TPTE2: variants seen among roughly 807,000 people sequenced by gnomAD.
TPTE2 encodes the protein transmembrane phosphoinositide 3-phosphatase and tensin homolog 2, also known as phosphatidylinositol 3,4,5-trisphosphate 3-phosphatase TPTE2.
In TPTE2, 53 loss-of-function variants were observed where a neutral mutation model predicts 78.6. The ratio of observed to expected loss-of-function variants is 0.67; its 90% CI spans 0.54 to 0.85. TPTE2 has a LOEUF of 0.85. TPTE2 is among the 40% of genes least tolerant of loss of function. TPTE2 has a pLI of 0.00. For missense variants in TPTE2, 461 were observed against 623.0 expected (o/e 0.74, Z 2.77); for synonymous variants, 175 against 206.2 (o/e 0.85, Z 1.30).
At chr13:19,528,057 AG>A (rs1870621032) in intron 1 of TPTE2, among the ~76,000 whole-genome samples, 1 of 152,140 alleles carries the variant, frequency 6.6e-6, no homozygotes, top group Admixed American at 6.5e-5. Flanking sequence ...AGTAAGTCAC[AG>A]GCCAAATCCT....
At chr13:19,465,404 G>C in intron 8 of TPTE2, 61 bp downstream of exon 11, 1 of 1,606,156 alleles carries the variant, frequency 6.2e-7, no homozygotes, top group East Asian at 2.2e-5. Context: ...ATCAACCCTT[G>C]CCAATGGGTC....
the TPTE2 span, among the ~76,000 whole-genome samples, chr13:19,559,148 TAGTC>T: frequency 2.0e-5 from 3 of 152,222 alleles, no homozygotes; most frequent in South Asian, 2.1e-4. Flanking sequence ...ATAAAAATTT[TAGTC>T]AGTGCTGGCT....
At chr13:19,546,488 T>TG in the TPTE2 span, among the ~76,000 whole-genome samples, 7 of 127,644 alleles carry the variant, frequency 5.5e-5, no homozygotes, top group African/African-American at 2.2e-4. Flanking sequence ...TTTTTCTTTT[T>TG]TTTTTTTTTT....
At chr13:19,458,618 T>C (rs1462592214) in intron 10 of TPTE2, 2 of 480,782 alleles carry the variant, frequency 4.2e-6, no homozygotes, top group South Asian at 3.0e-5. Context: ...GAAGAGACCA[T>C]GGAGATTAGG....
rs1349308720 is a variant in TPTE2, at chr13:19,535,221, A to G, written c.-44+1375T>C. ...CCTTCTCAAAAAAACAAACAAACAA[A>G]AAAATATATATATATATATATTCTT... On this transcript the variant is annotated intron_variant, in intron 1 of 17. Transcript: ENST00000390680. This position sits in a 1 kb window ranked among gnomAD's most constrained non-coding sequence, Gnocchi z 5.1. Among the ~76,000 whole-genome samples the G allele has an allele frequency of 1.4e-3, 11 of 8,036 alleles. No individual in the cohort carries two copies. The Admixed American group carries it at 0.027, about 20-fold the overall frequency. 5.3% of individuals were successfully genotyped at this position (8,036 alleles called of 152,430 possible).
intron 1 of TPTE2, among the ~76,000 whole-genome samples, chr13:19,523,038 G>C (rs771879385): frequency 6.6e-6 from 1 of 152,124 alleles, no homozygotes; most frequent in Non-Finnish European, 1.5e-5. Flanking sequence ...AACAAAGGCT[G>C]GGGGAGCTCT....
At chr13:19,475,532 C>T in intron 5 of TPTE2, 41 bp downstream of exon 8, 1 of 1,597,918 alleles carries the variant, frequency 6.3e-7, no homozygotes, top group Non-Finnish European at 8.5e-7. Context: ...AGCCAAGTCT[C>T]AGATATATTT....
At chr13:19,454,599 CAT>C (rs1235189315) in intron 10 of TPTE2, among the ~76,000 whole-genome samples, 1 of 152,146 alleles carries the variant, frequency 6.6e-6, no homozygotes, top group African/African-American at 2.4e-5. Context: ...TATTAAAACA[CAT>C]GATTACCTCC....
intron 16 of TPTE2, among the ~76,000 whole-genome samples, chr13:19,430,930 C>T (rs868802079): frequency 6.6e-6 from 1 of 151,986 alleles, no homozygotes; most frequent in African/African-American, 2.4e-5. Context: ...AGTTCTAAAC[C>T]AGCGTGGCCA....
At chr13:19,540,571 C>T (rs1301378412), upstream of TPTE2, among the ~76,000 whole-genome samples, 1 of 152,028 alleles carries the variant, frequency 6.6e-6, no homozygotes, top group Non-Finnish European at 1.5e-5. Context: ...TTCCAAAGTG[C>T]TGGGATTACA....
chr13:19,487,206 G>A (rs1197877752), intron 3 of TPTE2, among the ~76,000 whole-genome samples: 1 of 152,112 alleles, frequency 6.6e-6, no homozygotes, highest in African/African-American at 2.4e-5. Flanking sequence ...GCTGGCCAGA[G>A]TAAGCTCCCA....
At chr13:19,541,648 A>T (rs924863225), upstream of TPTE2, among the ~76,000 whole-genome samples, 1 of 152,216 alleles carries the variant, frequency 6.6e-6, no homozygotes, top group African/African-American at 2.4e-5. Flanking sequence ...TTTATTTTTT[A>T]AAAAATTATA....
At chr13:19,540,997 A>G (rs7996788), upstream of TPTE2, among the ~76,000 whole-genome samples, 1,019 of 152,336 alleles carry the variant, frequency 6.7e-3, 13 homozygotes, top group African/African-American at 0.023. Flanking sequence ...GGGTCTCACA[A>G]GGCTGTAATC....
intron 3 of TPTE2, among the ~76,000 whole-genome samples, chr13:19,490,866 G>A (rs1214623507): frequency 6.6e-6 from 1 of 152,130 alleles, no homozygotes; most frequent in Non-Finnish European, 1.5e-5. Flanking sequence ...TAGGACTGTT[G>A]CCTCTTTTGG....
chr13:19,475,917 A>C (rs913286579), intron 4 of TPTE2, among the ~76,000 whole-genome samples: 4 of 152,162 alleles, frequency 2.6e-5, no homozygotes, highest in African/African-American at 9.7e-5. Flanking sequence ...GTGGTCATCA[A>C]CTCAAGGAGT....
intron 1 of TPTE2, among the ~76,000 whole-genome samples, chr13:19,527,028 G>A (rs1360070834): frequency 7.9e-5 from 12 of 152,060 alleles, no homozygotes; most frequent in Admixed American, 2.0e-4. Context: ...AAAAAAGGCC[G>A]GGCGTGGTGG....
chr13:19,554,484 T>G, the TPTE2 span, among the ~76,000 whole-genome samples: 1 of 152,036 alleles, frequency 6.6e-6, no homozygotes, highest in African/African-American at 2.4e-5. Flanking sequence ...AGTATCCCAT[T>G]TTATATATAT....
chr13:19,457,024 T>C (rs781715347), intron 10 of TPTE2, among the ~76,000 whole-genome samples: 3 of 152,216 alleles, frequency 2.0e-5, no homozygotes, highest in Non-Finnish European at 4.4e-5. Flanking sequence ...CCTATACGTA[T>C]ATGTTCACTT....
intron 10 of TPTE2, among the ~76,000 whole-genome samples, chr13:19,461,380 G>C (rs1878877118): frequency 6.6e-6 from 1 of 151,860 alleles, no homozygotes; most frequent in Admixed American, 6.6e-5. Flanking sequence ...GATCAAATCA[G>C]GATAGTCAGC....
Sources: gnomAD v4.1 joint callset for allele counts (sites outside exome capture counted in the v4.1 genomes callset) on GRCh38, gnomAD v4.1.1 for gene constraint, Gnocchi (gnomAD v3.1) non-coding constraint, MANE v1.5 for transcripts, NCBI Gene and HGNC (gene_info 2026-07-23, HGNC 2026-07-21) for gene names.